The following METAP1D variants were observed in gnomAD, a reference collection of about 807,000 sequenced individuals.
METAP1D encodes the protein methionine aminopeptidase 1D, mitochondrial.
In METAP1D, 31 loss-of-function variants were observed where a neutral mutation model predicts 40.5. That is an observed-to-expected ratio of 0.77 (90% CI 0.58 to 1.03). The LOEUF (loss-of-function observed/expected upper bound fraction) is 1.03. Ranked by LOEUF, METAP1D falls within the 50% of genes least tolerant of loss-of-function variation. The probability of loss-of-function intolerance (pLI) is 0.00; values close to 1 mark genes in which losing one functional copy is unlikely to be tolerated. For synonymous variants in METAP1D, 151 were observed against 146.4 expected, an observed-to-expected ratio of 1.03 and a Z score of -0.22; for missense variants, 411 against 420.7, an observed-to-expected ratio of 0.98 and a Z score of 0.20.
At position 172,080,319 on chromosome 2, in the gene METAP1D, G is replaced by T. The variant is rs1266799902; in HGVS notation, c.930-9G>T. 6.2e-7 allele frequency: 1 copy of T among 1,614,048 alleles called. No homozygotes were observed. Among genetic ancestry groups the T allele is most frequent in the African/African-American group, 1.3e-5 (1 of 74,948 alleles). ...GTGCGCGTTCTGACGGCTGGGTGCTGTGTTACAGGTCGGCGCAGTTCGAGC... is the reference window on the plus strand; with the variant it reads ...GTGCGCGTTCTGACGGCTGGGTGCTTTGTTACAGGTCGGCGCAGTTCGAGC... On this transcript the variant is annotated splice_polypyrimidine_tract_variant and intron_variant, in intron 9 of 9. Transcript: ENST00000315796.
At position 172,035,154 on chromosome 2, in the gene METAP1D, T is replaced by TTTTG. The variant is rs1553492540; in HGVS notation, c.41-26320_41-26317dup. On this transcript the variant is annotated intron_variant, in intron 1 of 9. Transcript: ENST00000315796. ...ATGTAACTACTGTACTGTGTTTTTT[T>TTTTG]TTTGTTTGTTTGTTTGTTTGTTTGT... 4.5e-4 allele frequency among the ~76,000 whole-genome samples: 68 copies of TTTTG among 150,200 alleles called. 1 individual carries two copies. The highest frequency in any genetic ancestry group is 1.8e-3 in the East Asian group (9 of 4,984).
At chr2:172,063,904 C>G (rs1355401115) in intron 3 of METAP1D, 44 bp downstream of exon 3, 1 of 1,512,890 alleles carries the variant, frequency 6.6e-7, no homozygotes, top group Non-Finnish European at 8.8e-7. Context: ...TAAGGGGCAA[C>G]AAACACTCCT....
Position 172,080,314 on chromosome 2 carries a change from G to T in METAP1D, c.930-14G>T. The stretch of plus-strand genomic sequence containing the variant: ...CTTGCGTGCGCGTTCTGACGGCTGG[G>T]TGCTGTGTTACAGGTCGGCGCAGTT... On this transcript the variant is annotated splice_polypyrimidine_tract_variant and intron_variant, in intron 9 of 9. Coordinates refer to ENST00000315796, the MANE Select transcript of METAP1D (RefSeq NM_199227.3). The T allele has an allele frequency of 3.7e-6, 6 of 1,614,176 alleles. No homozygotes were observed. The highest frequency in any genetic ancestry group is 5.1e-6 in the Non-Finnish European group (6 of 1,180,004).
chr2:172,062,362 G>C (rs945813538), intron 2 of METAP1D, among the ~76,000 whole-genome samples: 2 of 152,178 alleles, frequency 1.3e-5, no homozygotes, highest in African/African-American at 4.8e-5. Context: ...CACTTTTATG[G>C]CAAAGGCCAG....
chr2:172,042,442 T>C lies in METAP1D; in HGVS notation c.41-19056T>C, dbSNP rs1452592021. ...ATGTGTACATATATACATATGTATGTGTACATGCGTACATATATACATATA... is the reference window on the plus strand; with the variant it reads ...ATGTGTACATATATACATATGTATGCGTACATGCGTACATATATACATATA... On this transcript the variant is annotated intron_variant, in intron 1 of 9. Coordinates refer to ENST00000315796, the MANE Select transcript of METAP1D (RefSeq NM_199227.3). Among the ~76,000 whole-genome samples the C allele has an allele frequency of 1.2e-4, 6 of 52,028 alleles. 3 individuals are homozygous for C. Among genetic ancestry groups the C allele is most frequent in the African/African-American group, 1.6e-4 (2 of 12,776 alleles). The allele number at this position is 52,028 out of a possible 152,430, so 34.1% of individuals were successfully genotyped here.
intron 1 of METAP1D, among the ~76,000 whole-genome samples, chr2:172,025,871 C>A (rs1166963519): frequency 6.6e-6 from 1 of 152,110 alleles, no homozygotes; most frequent in Non-Finnish European, 1.5e-5. Flanking sequence ...CTGCATCCCT[C>A]CTCCAAGGTG....
intron 1 of METAP1D, among the ~76,000 whole-genome samples, chr2:172,004,213 T>G (rs948186137): frequency 6.6e-6 from 1 of 152,208 alleles, no homozygotes; most frequent in African/African-American, 2.4e-5. Flanking sequence ...GGAGGGGCTG[T>G]TATACATCAT....
intron 1 of METAP1D, among the ~76,000 whole-genome samples, chr2:172,009,136 G>A (rs908892788): frequency 6.6e-6 from 1 of 151,980 alleles, no homozygotes; most frequent in Non-Finnish European, 1.5e-5. Context: ...CACCTCCCGG[G>A]TTCCCGCCAT....
chr2:172,026,826 A>G (rs1203513589), intron 1 of METAP1D, among the ~76,000 whole-genome samples: 2 of 152,220 alleles, frequency 1.3e-5, no homozygotes, highest in African/African-American at 4.8e-5. Context: ...CAAATAAGAC[A>G]CAGTCACCAA....
chr2:172,060,413 T>C (rs1050341438), intron 1 of METAP1D, among the ~76,000 whole-genome samples: 2 of 129,704 alleles, frequency 1.5e-5, no homozygotes, highest in African/African-American at 5.9e-5. Flanking sequence ...CAAGACCCTG[T>C]CTCAAAAAAA....
chr2:172,059,255 C>T (rs6725971), intron 1 of METAP1D, among the ~76,000 whole-genome samples: 74,290 of 151,636 alleles, frequency 0.49, 19,392 homozygotes, highest in Middle Eastern at 0.62. Context: ...ATTACAGGCG[C>T]GCGCCACCAT....
At chr2:172,016,622 A>AC (rs1198201952) in intron 1 of METAP1D, among the ~76,000 whole-genome samples, 14 of 149,888 alleles carry the variant, frequency 9.3e-5, no homozygotes, top group African/African-American at 3.4e-4. Context: ...CCTTGCCCCC[A>AC]CCCCCCCAAA....
intron 1 of METAP1D, among the ~76,000 whole-genome samples, chr2:172,030,870 C>T (rs535140926): frequency 6.6e-6 from 1 of 152,212 alleles, no homozygotes; most frequent in East Asian, 1.9e-4. Context: ...ATGTCTCATA[C>T]ATTAAAAATG....
chr2:172,023,025 A>T (rs915608196), intron 1 of METAP1D, among the ~76,000 whole-genome samples: 1 of 152,268 alleles, frequency 6.6e-6, no homozygotes, highest in African/African-American at 2.4e-5. Flanking sequence ...CGTCTCTACT[A>T]AAAATACAAA....
At chr2:172,033,952 C>T (rs1404922495) in intron 1 of METAP1D, among the ~76,000 whole-genome samples, 4 of 151,796 alleles carry the variant, frequency 2.6e-5, no homozygotes, top group Admixed American at 6.6e-5. Context: ...TGGTGCGTGC[C>T]TGTAATCCCG....
chr2:172,042,324 T>TATGTGTAC lies in METAP1D; in HGVS notation c.41-19163_41-19156dup, dbSNP rs1360118693. On this transcript the variant is annotated intron_variant, in intron 1 of 9. Coordinates refer to ENST00000315796, the MANE Select transcript of METAP1D (RefSeq NM_199227.3). Reference sequence around the variant, plus strand: ...GTACATATATACATATATACATATGTATGTGTACATGTGTACATATATACA... The same window carrying TATGTGTAC: ...GTACATATATACATATATACATATGTATGTGTACATGTGTACATGTGTACATATATACA... 4.3e-4 allele frequency among the ~76,000 whole-genome samples: 19 copies of TATGTGTAC among 44,232 alleles called. 9 individuals carry two copies. The highest frequency in any genetic ancestry group is 4.9e-4 in the African/African-American group (6 of 12,172). 29.0% of individuals were successfully genotyped at this position (44,232 alleles called of 152,430 possible).
At chr2:172,037,824 A>G (rs1689430958) in intron 1 of METAP1D, among the ~76,000 whole-genome samples, 1 of 152,188 alleles carries the variant, frequency 6.6e-6, no homozygotes, top group South Asian at 2.1e-4. Context: ...TGAGCTTGAC[A>G]TGTTGTTTCT....
intron 7 of METAP1D, among the ~76,000 whole-genome samples, chr2:172,078,151 C>A (rs1468258748): frequency 6.6e-6 from 1 of 152,096 alleles, no homozygotes; most frequent in Non-Finnish European, 1.5e-5. Flanking sequence ...GGGTGCATGG[C>A]TGGAAGGCAC....
At chr2:172,033,807 T>C (rs1215707833) in intron 1 of METAP1D, among the ~76,000 whole-genome samples, 1 of 151,160 alleles carries the variant, frequency 6.6e-6, no homozygotes, top group Non-Finnish European at 1.5e-5. Context: ...ACAGGCCGGG[T>C]ATGGTGGCTC....
Sources: gnomAD v4.1 joint callset for allele counts (sites outside exome capture counted in the v4.1 genomes callset) on GRCh38, gnomAD v4.1.1 for gene constraint, MANE v1.5 for transcripts, NCBI Gene and HGNC (gene_info 2026-07-23, HGNC 2026-07-21) for gene names.